CCL26: variants seen among roughly 807,000 people sequenced by gnomAD.
CCL26 encodes the protein C-C motif chemokine ligand 26.
Under a neutral mutation model 10.7 loss-of-function variants are expected in CCL26, and 10 were observed. The observed-to-expected ratio is 0.93, with a 90% CI of 0.57 to 1.58. The LOEUF is 1.58. CCL26 is among the 40% of genes most tolerant of loss of function. The probability of loss-of-function intolerance (pLI) is 0.00; values close to 1 mark genes in which losing one functional copy is unlikely to be tolerated. For missense variants in CCL26, 116 were observed against 111.0 expected (o/e 1.05, Z -0.20); for synonymous variants, 43 against 41.4 (o/e 1.04, Z -0.15).
intron 1 of CCL26, among the ~76,000 whole-genome samples, chr7:75,781,973 G>A (rs147998580): frequency 0.011 from 1,643 of 152,122 alleles, 30 homozygotes; most frequent in African/African-American, 0.037. Flanking sequence ...GGACTCCTTC[G>A]GGAGACCAGT....
exon 1 of CCL26, chr7:75,789,808 C>T (rs1803283556): frequency 6.6e-6 from 1 of 152,106 alleles, no homozygotes; most frequent in African/African-American, 2.4e-5. Flanking sequence ...CTGCGGTACC[C>T]CTGGGACCCC....
chr7:75,782,133 T>A (rs980796126), intron 1 of CCL26, among the ~76,000 whole-genome samples: 13 of 152,172 alleles, frequency 8.5e-5, no homozygotes, highest in African/African-American at 2.9e-4. Context: ...TCCCTCAACC[T>A]CTTTTTCCTT....
chr7:75,777,901 C>A (rs1802978147), intron 1 of CCL26, among the ~76,000 whole-genome samples: 1 of 150,968 alleles, frequency 6.6e-6, no homozygotes, highest in Non-Finnish European at 1.5e-5. Context: ...CTCATTGCAG[C>A]CTCTGCATGT....
At position 75,784,759 on chromosome 7, in the gene CCL26, TC is replaced by T. The variant is rs527957043; in HGVS notation, c.-79+4957del. Among the ~76,000 whole-genome samples, 782 of 151,986 alleles carry T rather than the reference TC, an allele frequency of 5.1e-3. 11 individuals carry two copies. Among genetic ancestry groups the T allele is most frequent in the African/African-American group, 0.011 (469 of 41,454 alleles). On this transcript the variant is annotated intron_variant, in intron 1 of 3. Coordinates refer to the CCL26 transcript ENST00000394905. ...ACAGCCACACCTCATTGCCACCTTTTCCCCCAGTTCAAAGCCTCCTTCACAT... is the reference window on the plus strand; with the variant it reads ...ACAGCCACACCTCATTGCCACCTTTTCCCCAGTTCAAAGCCTCCTTCACAT...
intron 1 of CCL26, among the ~76,000 whole-genome samples, chr7:75,783,641 G>T (rs912105170): frequency 1.3e-5 from 2 of 151,936 alleles, no homozygotes; most frequent in Non-Finnish European, 2.9e-5. Flanking sequence ...CAAAAAATTA[G>T]CCAGGAGTGG....
intron 1 of CCL26, among the ~76,000 whole-genome samples, chr7:75,778,265 A>G (rs1369647268): frequency 6.6e-6 from 1 of 152,100 alleles, no homozygotes; most frequent in African/African-American, 2.4e-5. Context: ...TCTGTCACCC[A>G]GGCTGGAGGG....
chr7:75,783,833 G>A (rs1554529701), intron 1 of CCL26, among the ~76,000 whole-genome samples: 2 of 151,016 alleles, frequency 1.3e-5, no homozygotes, highest in African/African-American at 4.9e-5. Flanking sequence ...AAAGAACCCA[G>A]TCCAGTTCAT....
intron 1 of CCL26, among the ~76,000 whole-genome samples, chr7:75,783,774 G>A (rs1217946957): frequency 3.7e-5 from 5 of 135,834 alleles, no homozygotes; most frequent in African/African-American, 5.8e-5. Flanking sequence ...GCAACAGAGC[G>A]AGACTCCAGC....
chr7:75,789,238 C>G (rs781792038), intron 1 of CCL26, among the ~76,000 whole-genome samples: 2 of 151,638 alleles, frequency 1.3e-5, no homozygotes, highest in Admixed American at 6.6e-5. Flanking sequence ...AGCCACCGTG[C>G]CTGGCCTGCG....
At chr7:75,770,989 G>A (rs1158725072) in intron 2 of CCL26, among the ~76,000 whole-genome samples, 1 of 152,156 alleles carries the variant, frequency 6.6e-6, no homozygotes, top group African/African-American at 2.4e-5. Flanking sequence ...TACAAAACTC[G>A]GTGATGCAAA....
rs550516636 is a variant in CCL26, at chr7:75,769,997, C to T, written c.189-208G>A. ...ACTGGAAACTATGCCTCCAGACCCACCTCTACCAGGTACCATTTACCGTTT... is the reference window on the plus strand; with the variant it reads ...ACTGGAAACTATGCCTCCAGACCCATCTCTACCAGGTACCATTTACCGTTT... On this transcript the variant is annotated intron_variant, in intron 2 of 2. Transcript: ENST00000005180. 4.1e-4 allele frequency among the ~76,000 whole-genome samples: 63 copies of T among 152,248 alleles called. 1 individual carries two copies. The South Asian group carries it at 0.012, about 29-fold the overall frequency.
rs529376382 is a variant in CCL26, at chr7:75,781,446, T to G, written c.-79+8271A>C. ...ATTCAAGTGCCAGAAATCTGGCCAC[T>G]GGGCCAAGGAATGCCCGCAGCCCAG... On this transcript the variant is annotated intron_variant, in intron 1 of 3. Coordinates refer to the CCL26 transcript ENST00000394905. Among the ~76,000 whole-genome samples the G allele has an allele frequency of 1.3e-4, 20 of 152,332 alleles. No individual in the cohort carries two copies. The East Asian group carries it at 3.5e-3, about 26-fold the overall frequency.
chr7:75,790,218 T>TCTTTCTTTCTCTCTTC (rs1554530641), upstream of CCL26, among the ~76,000 whole-genome samples: 1 of 66,800 alleles, frequency 1.5e-5, no homozygotes, highest in Non-Finnish European at 3.1e-5. Context: ...TTTCTTTCTT[T>TCTTTCTTTCTCTCTTC]CTTCCTTCCT....
chr7:75,791,228 T>C (rs1053634648), upstream of CCL26, among the ~76,000 whole-genome samples: 3 of 151,922 alleles, frequency 2.0e-5, no homozygotes, highest in Admixed American at 6.6e-5. Context: ...GGTTTTGTCA[T>C]GTTGGCCAGG....
At chr7:75,782,751 G>T (rs1351500125) in intron 1 of CCL26, among the ~76,000 whole-genome samples, 2 of 152,178 alleles carry the variant, frequency 1.3e-5, no homozygotes, top group East Asian at 3.9e-4. Context: ...ATGGCCTGAG[G>T]TGCCTGACGT....
intron 1 of CCL26, among the ~76,000 whole-genome samples, chr7:75,782,856 A>G (rs1803094654): frequency 6.6e-6 from 1 of 151,914 alleles, no homozygotes; most frequent in South Asian, 2.1e-4. Context: ...CTGTTCCTTC[A>G]GTCTCCACCC....
upstream of CCL26, among the ~76,000 whole-genome samples, chr7:75,775,030 G>A (rs1361717243): frequency 6.6e-6 from 1 of 152,052 alleles, no homozygotes; most frequent in Non-Finnish European, 1.5e-5. Context: ...GATGAGTCTG[G>A]CCAACATGGT....
intron 1 of CCL26, among the ~76,000 whole-genome samples, chr7:75,785,936 A>C (rs552539473): frequency 6.6e-6 from 1 of 152,270 alleles, no homozygotes; most frequent in East Asian, 1.9e-4. Context: ...GCCAGCCATC[A>C]TGTCTCCATG....
chr7:75,781,741 C>A (rs1803068885), intron 1 of CCL26, among the ~76,000 whole-genome samples: 1 of 152,154 alleles, frequency 6.6e-6, no homozygotes, highest in Non-Finnish European at 1.5e-5. Context: ...TGACCCCCGC[C>A]CCTGCCCGCC....
Sources: allele counts gnomAD v4.1 joint callset (sites outside exome capture counted in the v4.1 genomes callset), GRCh38; gene constraint gnomAD v4.1.1; transcripts MANE v1.5; gene names NCBI Gene and HGNC (gene_info 2026-07-23, HGNC 2026-07-21).